The following LEPR variants were observed in gnomAD, a reference collection of about 807,000 sequenced individuals.
LEPR encodes leptin receptor.
In LEPR, 56 loss-of-function variants were observed where a neutral mutation model predicts 114.7. The observed-to-expected ratio is 0.49, with a 90% CI of 0.39 to 0.61. The LOEUF is 0.61. Ranked by LOEUF, LEPR falls within the 20% of genes least tolerant of loss-of-function variation. LEPR has a pLI of 0.00. For synonymous variants in LEPR, 443 were observed against 461.4 expected (o/e 0.96, Z 0.51); for missense variants, 1,202 against 1,352.9 (o/e 0.89, Z 1.75).
intron 19 of LEPR, chr1:65,635,083 G>A (rs1658671485): frequency 1.1e-6 from 1 of 900,272 alleles, no homozygotes; most frequent in Admixed American, 6.2e-5. Flanking sequence ...ATAAAACTAT[G>A]CTAAATAAAT....
At chr1:65,629,352 T>C (rs758062048) in intron 19 of LEPR, 3 of 449,440 alleles carry the variant, frequency 6.7e-6, no homozygotes, top group South Asian at 4.8e-5. Context: ...TATGATGTTC[T>C]GTGTTGTAAT....
chr1:65,482,897 A>T (rs773025879), intron 2 of LEPR, among the ~76,000 whole-genome samples: 1 of 151,590 alleles, frequency 6.6e-6, no homozygotes, highest in Non-Finnish European at 1.5e-5. Flanking sequence ...CTGAGGCAGG[A>T]GAATTACTTG....
At chr1:65,557,685 G>A (rs1348234231) in intron 2 of LEPR, among the ~76,000 whole-genome samples, 1 of 152,194 alleles carries the variant, frequency 6.6e-6, no homozygotes, top group Non-Finnish European at 1.5e-5. Flanking sequence ...CTCCCAAAGT[G>A]CTGGGATTGC....
At chr1:65,437,362 C>G (rs1420228123) in intron 2 of LEPR, among the ~76,000 whole-genome samples, 2 of 152,044 alleles carry the variant, frequency 1.3e-5, no homozygotes, top group African/African-American at 4.8e-5. Context: ...AGTACTTCTG[C>G]TGGAAACATG....
intron 1 of LEPR, among the ~76,000 whole-genome samples, chr1:65,423,049 A>G (rs758522530): frequency 2.5e-4 from 38 of 152,174 alleles, no homozygotes; most frequent in Non-Finnish European, 4.4e-4. Flanking sequence ...GTGGAATGCA[A>G]TCATGGTGTC....
In LEPR at chr1:65,459,698, C is replaced by A. The variant is rs544950738; in HGVS notation, c.-21+34320C>A. Among the ~76,000 whole-genome samples, 64 of 152,368 alleles carry A rather than the reference C, an allele frequency of 4.2e-4. 1 individual carries two copies. Among genetic ancestry groups the A allele is most frequent in the East Asian group, 1.2e-3 (6 of 5,192 alleles). The stretch of plus-strand genomic sequence containing the variant: ...TCAAATGTAATAAATTAATAACTGG[C>A]AGAACTGCCCATTACACATAGGATA... On this transcript the variant is annotated intron_variant, in intron 2 of 19. Coordinates refer to ENST00000349533, the MANE Select transcript of LEPR (RefSeq NM_002303.6).
intron 2 of LEPR, among the ~76,000 whole-genome samples, chr1:65,547,470 T>C (rs1651850986): frequency 6.6e-6 from 1 of 151,832 alleles, no homozygotes; most frequent in Non-Finnish European, 1.5e-5. Context: ...TATTGATTAT[T>C]GCCACAATTT....
chr1:65,548,831 G>A (rs1478026548), intron 2 of LEPR, among the ~76,000 whole-genome samples: 1 of 152,162 alleles, frequency 6.6e-6, no homozygotes, highest in Non-Finnish European at 1.5e-5. Flanking sequence ...ATCGTTATGT[G>A]TGAATTTGGT....
intron 2 of LEPR, among the ~76,000 whole-genome samples, chr1:65,464,817 A>G (rs908524256): frequency 6.6e-6 from 1 of 152,226 alleles, no homozygotes; most frequent in African/African-American, 2.4e-5. Flanking sequence ...ATTTGCATAT[A>G]GATGTTTATC....
Position 65,623,268 on chromosome 1 carries a change from A to G in LEPR, c.2673+287A>G, listed in dbSNP as rs4655566. 0.22 allele frequency: 61,678 copies of G among 284,664 alleles called. 9,429 individuals are homozygous for G. The highest frequency in any genetic ancestry group is 0.77 in the East Asian group (10,368 of 13,548). 17.6% of individuals were successfully genotyped at this position (284,664 alleles called of 1,614,324 possible). Reference sequence around the variant, plus strand: ...ATAAATATTAGAAAGTTAAGGGTCAATCTGATGGAGAACAGATATTTGGAT... The same window carrying G: ...ATAAATATTAGAAAGTTAAGGGTCAGTCTGATGGAGAACAGATATTTGGAT... On this transcript the variant is annotated intron_variant, in intron 19 of 19. Transcript: ENST00000349533.
chr1:65,572,174 C>T (rs749890554), intron 4 of LEPR, 152 bp from the exon 5 acceptor site: 6 of 1,094,760 alleles, frequency 5.5e-6, no homozygotes, highest in Non-Finnish European at 7.5e-6. Context: ...CTAGTTAAAG[C>T]TTGTTCTTTT....
At chr1:65,442,172 A>T (rs1029493790) in intron 2 of LEPR, among the ~76,000 whole-genome samples, 1 of 152,186 alleles carries the variant, frequency 6.6e-6, no homozygotes, top group Non-Finnish European at 1.5e-5. Flanking sequence ...CTTTTTAAAA[A>T]AATAAAATAA....
chr1:65,565,859 A>ACACG (rs749871625), intron 3 of LEPR, among the ~76,000 whole-genome samples: 6 of 151,038 alleles, frequency 4.0e-5, no homozygotes, highest in Non-Finnish European at 8.9e-5. Flanking sequence ...ACACACACAC[A>ACACG]CACAGACTCA....
At chr1:65,566,558 G>A (rs1653775553) in intron 3 of LEPR, among the ~76,000 whole-genome samples, 2 of 152,168 alleles carry the variant, frequency 1.3e-5, no homozygotes, top group South Asian at 4.1e-4. Flanking sequence ...CCACATTCTG[G>A]TGACATTCTG....
intron 19 of LEPR, among the ~76,000 whole-genome samples, chr1:65,630,737 A>G (rs899671901): frequency 2.6e-5 from 4 of 151,628 alleles, no homozygotes; most frequent in African/African-American, 7.3e-5. Context: ...AGACCTTGCC[A>G]TACCCTCTTC....
Position 65,617,889 on chromosome 1 carries a change from A to T in LEPR, c.2213-75A>T, listed in dbSNP as rs190485648. ...TCTTCCTTATTCCCTTTAGTAGGTT[A>T]TAAGTTCCTCAAGAGTATTAGTAGA... On this transcript the variant is annotated intron_variant, in intron 15 of 19. Transcript: ENST00000349533. The T allele has an allele frequency of 2.8e-6, 4 of 1,422,050 alleles. No homozygotes were observed. In the East Asian group the frequency reaches 1.0e-4, roughly 36 times the overall value. 88.1% of individuals were successfully genotyped at this position (1,422,050 alleles called of 1,614,324 possible).
At chr1:65,475,644 A>G (rs1322326675) in intron 2 of LEPR, among the ~76,000 whole-genome samples, 6 of 152,200 alleles carry the variant, frequency 3.9e-5, no homozygotes, top group African/African-American at 1.2e-4. Context: ...CTTGTGTTTC[A>G]TAACTGACAC....
chr1:65,634,757 T>G (rs1005713658), intron 19 of LEPR: 11 of 922,722 alleles, frequency 1.2e-5, no homozygotes, highest in Admixed American at 1.2e-4. Context: ...TTGACAATCT[T>G]AATATGTAGG....
At chr1:65,604,622 CCTGT>C (rs1442888250) in intron 10 of LEPR, among the ~76,000 whole-genome samples, 2 of 152,148 alleles carry the variant, frequency 1.3e-5, no homozygotes, top group Non-Finnish European at 2.9e-5. Context: ...GGGCCTTCTG[CCTGT>C]CTTTTAAACT....
Sources: gnomAD v4.1 joint callset for allele counts (sites outside exome capture counted in the v4.1 genomes callset) on GRCh38, gnomAD v4.1.1 for gene constraint, MANE v1.5 for transcripts, NCBI Gene and HGNC (gene_info 2026-07-23, HGNC 2026-07-21) for gene names.